The following SGCZ variants were observed in gnomAD, a reference collection of about 807,000 sequenced individuals.
SGCZ encodes zeta-sarcoglycan.
A neutral mutation model predicts 41.3 loss-of-function variants in SGCZ; 40 were observed. The ratio of observed to expected loss-of-function variants is 0.97; its 90% CI spans 0.75 to 1.26. The LOEUF (loss-of-function observed/expected upper bound fraction) is 1.26, where lower values mean the gene tolerates loss of function less well. SGCZ is among the 50% of genes most tolerant of loss of function. The probability of loss-of-function intolerance (pLI) is 0.00; values close to 1 mark genes in which losing one functional copy is unlikely to be tolerated. For synonymous variants in SGCZ, 206 were observed against 137.5 expected, an observed-to-expected ratio of 1.50 and a Z score of -3.49; for missense variants, 552 against 369.8, an observed-to-expected ratio of 1.49 and a Z score of -4.04.
intron 1 of SGCZ, among the ~76,000 whole-genome samples, chr8:14,636,474 T>G (rs1806832161): frequency 6.6e-6 from 1 of 151,818 alleles, no homozygotes; most frequent in Admixed American, 6.6e-5. Flanking sequence ...AATGAGCAAA[T>G]TTGAGACAGT....
intron 2 of SGCZ, among the ~76,000 whole-genome samples, chr8:14,488,452 C>T (rs879782646): frequency 6.6e-6 from 1 of 151,928 alleles, no homozygotes; most frequent in African/African-American, 2.4e-5. Flanking sequence ...AGGCCCTTCG[C>T]TTGTGCTTCC....
chr8:14,376,139 C>A (rs1258166266), intron 2 of SGCZ, among the ~76,000 whole-genome samples: 1 of 151,964 alleles, frequency 6.6e-6, no homozygotes, highest in Non-Finnish European at 1.5e-5. Context: ...TGGTGAAACT[C>A]CATCTCTACT....
chr8:14,757,379 C>G (rs1196206698), intron 1 of SGCZ, among the ~76,000 whole-genome samples: 1 of 152,170 alleles, frequency 6.6e-6, no homozygotes, highest in Non-Finnish European at 1.5e-5. Context: ...TAGCTTTTCT[C>G]TAGCCAGACG....
chr8:14,531,477 G>A (rs562281680), intron 2 of SGCZ, among the ~76,000 whole-genome samples: 4 of 151,904 alleles, frequency 2.6e-5, no homozygotes, highest in African/African-American at 9.7e-5. Context: ...AAACCACTGG[G>A]CACCACTCCC....
chr8:14,454,103 T>C (rs1481081058), intron 2 of SGCZ, among the ~76,000 whole-genome samples: 2 of 152,190 alleles, frequency 1.3e-5, no homozygotes, highest in African/African-American at 2.4e-5. Flanking sequence ...ATTTGGGGAA[T>C]GGCCATTTCC....
At chr8:14,633,943 A>G (rs976799642) in intron 1 of SGCZ, among the ~76,000 whole-genome samples, 5 of 151,950 alleles carry the variant, frequency 3.3e-5, no homozygotes, top group Non-Finnish European at 4.4e-5. Flanking sequence ...TTCGCAGTTC[A>G]GAAATGAATA....
chr8:14,626,163 T>C (rs1806447092), intron 1 of SGCZ, among the ~76,000 whole-genome samples: 1 of 152,120 alleles, frequency 6.6e-6, no homozygotes, highest in South Asian at 2.1e-4. Flanking sequence ...TTTTATTTTA[T>C]TTTATGTTCT....
chr8:14,325,290 T>C (rs1791550941), intron 2 of SGCZ, among the ~76,000 whole-genome samples: 1 of 152,012 alleles, frequency 6.6e-6, no homozygotes, highest in African/African-American at 2.4e-5. Context: ...TGACTAATTT[T>C]ATGTATAGAC....
intron 4 of SGCZ, among the ~76,000 whole-genome samples, chr8:14,188,819 TC>T (rs1337750215): frequency 3.9e-3 from 75 of 19,116 alleles, no homozygotes; most frequent in South Asian, 0.018. Context: ...TTTGTTTGTT[TC>T]TTTGTTTTTT....
chr8:15,208,008 T>G (rs1801123558), intron 1 of SGCZ, among the ~76,000 whole-genome samples: 1 of 152,216 alleles, frequency 6.6e-6, no homozygotes, highest in Non-Finnish European at 1.5e-5. Context: ...CTCCAAAATC[T>G]TAGAAACACT....
At chr8:15,021,517 A>G (rs967685730) in intron 1 of SGCZ, among the ~76,000 whole-genome samples, 1 of 152,230 alleles carries the variant, frequency 6.6e-6, no homozygotes, top group Non-Finnish European at 1.5e-5. Flanking sequence ...GGAATTAACA[A>G]GGCTTACTTA....
chr8:14,597,070 G>A (rs1805436326), intron 1 of SGCZ, among the ~76,000 whole-genome samples: 1 of 152,098 alleles, frequency 6.6e-6, no homozygotes, highest in Non-Finnish European at 1.5e-5. Context: ...ATTTTCAAAA[G>A]TTAAACTAGA....
intron 4 of SGCZ, among the ~76,000 whole-genome samples, chr8:14,206,628 T>C (rs1199409124): frequency 1.3e-5 from 2 of 152,172 alleles, no homozygotes; most frequent in Admixed American, 6.5e-5. Flanking sequence ...GTATGTAAGT[T>C]TATAGAACGA....
At chr8:14,090,678 A>C in intron 7 of SGCZ, 41 bp from the exon 8 acceptor site, 1 of 1,566,108 alleles carries the variant, frequency 6.4e-7, no homozygotes, top group Non-Finnish European at 8.7e-7. Flanking sequence ...CATTTTAGAA[A>C]TGTAGCATCG....
At chr8:14,282,513 A>G (rs1405349789) in intron 3 of SGCZ, among the ~76,000 whole-genome samples, 3 of 152,196 alleles carry the variant, frequency 2.0e-5, no homozygotes, top group Non-Finnish European at 2.9e-5. Flanking sequence ...CAGCACCCCT[A>G]TTCTTGGTGT....
intron 1 of SGCZ, among the ~76,000 whole-genome samples, chr8:14,738,975 T>C (rs977572195): frequency 5.9e-5 from 9 of 152,026 alleles, no homozygotes; most frequent in African/African-American, 1.9e-4. Context: ...GGCTAAAGGG[T>C]TGACAAGGGA....
intron 5 of SGCZ, among the ~76,000 whole-genome samples, chr8:14,130,585 GC>G (rs1039282127): frequency 2.6e-5 from 4 of 152,126 alleles, no homozygotes; most frequent in African/African-American, 9.7e-5. Flanking sequence ...TAACACAGGG[GC>G]TAAAAAGAAA....
chr8:14,780,302 G>A (rs1172295874), intron 1 of SGCZ, among the ~76,000 whole-genome samples: 2 of 151,526 alleles, frequency 1.3e-5, no homozygotes, highest in African/African-American at 4.9e-5. Context: ...ACGAACCCGG[G>A]GGGCAGAGCT....
chr8:14,841,272 G>A (rs1172854133), intron 1 of SGCZ, among the ~76,000 whole-genome samples: 1 of 152,044 alleles, frequency 6.6e-6, no homozygotes, highest in African/African-American at 2.4e-5. Context: ...CTCTTCTGCT[G>A]CATCTACAAG....
Sources: allele counts gnomAD v4.1 joint callset (sites outside exome capture counted in the v4.1 genomes callset), GRCh38; gene constraint gnomAD v4.1.1; transcripts MANE v1.5; gene names NCBI Gene and HGNC (gene_info 2026-07-23, HGNC 2026-07-21).